The following CRTAC1 variants were observed in gnomAD, a reference collection of about 807,000 sequenced individuals.
CRTAC1 encodes acidic secreted protein in cartilage.
In CRTAC1, 37 loss-of-function variants were observed where a neutral mutation model predicts 67.8. That is an observed-to-expected ratio of 0.55 (90% CI 0.42 to 0.72). The LOEUF (loss-of-function observed/expected upper bound fraction) is 0.72, where lower values mean the gene tolerates loss of function less well. Among genes scored for constraint, CRTAC1 ranks in the 30% least tolerant of loss-of-function variants. CRTAC1 has a pLI of 0.00. For synonymous variants in CRTAC1, 348 were observed against 371.0 expected (o/e 0.94, Z 0.71); for missense variants, 780 against 931.6 (o/e 0.84, Z 2.12).
chr10:97,927,445 C>T (rs912035834), intron 3 of CRTAC1, among the ~76,000 whole-genome samples: 1 of 152,176 alleles, frequency 6.6e-6, no homozygotes, highest in African/African-American at 2.4e-5. Context: ...GGCCATGGAA[C>T]TCCTTTTTGT....
Position 97,895,236 on chromosome 10 carries a change from C to A in CRTAC1, c.1486+9G>T. The A allele has an allele frequency of 6.2e-7, 1 of 1,607,980 alleles. No homozygotes were observed. On this transcript the variant is annotated intron_variant, in intron 11 of 14. Coordinates refer to ENST00000370597, the MANE Select transcript of CRTAC1 (RefSeq NM_018058.7). This position sits in a 1 kb window ranked among gnomAD's most constrained non-coding sequence, Gnocchi z 4.2. ...ACAGCTCACTGTCCCCCACCGGACC[C>A]CGACTCACCCAGGCCAAAGTGTGCC...
At chr10:97,998,737 A>T (rs1014084986) in intron 2 of CRTAC1, among the ~76,000 whole-genome samples, 9 of 152,220 alleles carry the variant, frequency 5.9e-5, no homozygotes, top group Non-Finnish European at 1.3e-4. Flanking sequence ...CATTGTCTTT[A>T]TACAGTAACA....
At chr10:98,006,464 C>T (rs564569699) in intron 2 of CRTAC1, among the ~76,000 whole-genome samples, 31 of 152,252 alleles carry the variant, frequency 2.0e-4, no homozygotes, top group Non-Finnish European at 3.7e-4. Flanking sequence ...CCCCCATCCC[C>T]GCAGAACAAA....
chr10:97,921,508 G>C (rs527570810), intron 4 of CRTAC1, among the ~76,000 whole-genome samples: 2 of 152,304 alleles, frequency 1.3e-5, no homozygotes, highest in East Asian at 3.9e-4. Context: ...TGTCAAATCG[G>C]ATAGTGACAG....
chr10:97,989,291 C>T (rs915286525), intron 2 of CRTAC1, among the ~76,000 whole-genome samples: 9 of 152,162 alleles, frequency 5.9e-5, no homozygotes, highest in African/African-American at 2.2e-4. Flanking sequence ...AACGCACACA[C>T]AGAGTCATAT....
intron 2 of CRTAC1, among the ~76,000 whole-genome samples, chr10:97,963,479 G>A (rs1004874545): frequency 5.3e-5 from 8 of 152,180 alleles, no homozygotes; most frequent in African/African-American, 1.4e-4. Context: ...GCAACAGTCC[G>A]TGATGGTCTC....
intron 11 of CRTAC1, among the ~76,000 whole-genome samples, chr10:97,888,637 C>T (rs906324193): frequency 6.6e-6 from 1 of 152,150 alleles, no homozygotes; most frequent in Admixed American, 6.5e-5. Flanking sequence ...TGTCCTTAGG[C>T]GCAGCTCATC....
chr10:98,024,121 G>T (rs1056634864), intron 1 of CRTAC1, among the ~76,000 whole-genome samples: 1 of 152,228 alleles, frequency 6.6e-6, no homozygotes, highest in Non-Finnish European at 1.5e-5. Flanking sequence ...CTAGGTAGGT[G>T]AAGGCTGATG....
chr10:97,869,059 G>C (rs547653879), intron 14 of CRTAC1: 1 of 152,262 alleles, frequency 6.6e-6, no homozygotes, highest in African/African-American at 2.4e-5. Context: ...TAGGCAATCT[G>C]ACTCCAAACT....
chr10:97,907,804 C>G (rs1166366521), intron 6 of CRTAC1, among the ~76,000 whole-genome samples: 13 of 152,112 alleles, frequency 8.5e-5, no homozygotes. Flanking sequence ...ACCCCTTTCC[C>G]CAGCAGCAAA....
chr10:97,982,716 C>T (rs975090423), intron 2 of CRTAC1, among the ~76,000 whole-genome samples: 15 of 152,086 alleles, frequency 9.9e-5, no homozygotes, highest in East Asian at 1.9e-4. Context: ...ACCCCAGAAG[C>T]GCCGCAATTG....
At chr10:97,865,970 T>TC in intron 14 of CRTAC1, 1 of 468,474 alleles carries the variant, frequency 2.1e-6, no homozygotes, top group South Asian at 5.5e-5. Flanking sequence ...AGACAGATCT[T>TC]CCTAGGAAGG....
chr10:97,995,918 TG>T (rs1842555796), intron 2 of CRTAC1, among the ~76,000 whole-genome samples: 1 of 152,062 alleles, frequency 6.6e-6, no homozygotes, highest in Non-Finnish European at 1.5e-5. Context: ...CCTAGGATTT[TG>T]GGGGGCTGAG....
chr10:97,945,958 A>G (rs572174359), intron 2 of CRTAC1, among the ~76,000 whole-genome samples: 1 of 152,144 alleles, frequency 6.6e-6, no homozygotes, highest in South Asian at 2.1e-4. Context: ...TGCCCTCGGA[A>G]TTTCTTATAT....
intron 2 of CRTAC1, among the ~76,000 whole-genome samples, chr10:97,948,310 C>G (rs891730858): frequency 2.0e-5 from 3 of 152,090 alleles, no homozygotes; most frequent in South Asian, 4.1e-4. Context: ...GTGTATTTGG[C>G]AATTTGGAAG....
intron 2 of CRTAC1, among the ~76,000 whole-genome samples, chr10:97,949,567 G>T (rs113358758): frequency 6.6e-6 from 1 of 152,380 alleles, no homozygotes; most frequent in South Asian, 2.1e-4. Context: ...GGTGGCAGAA[G>T]CATCTGCTCT....
chr10:97,933,859 T>A (rs572362857), intron 3 of CRTAC1, among the ~76,000 whole-genome samples: 5 of 152,318 alleles, frequency 3.3e-5, no homozygotes, highest in African/African-American at 1.2e-4. Flanking sequence ...TGGAGGTCTT[T>A]ACCATCTGGT....
chr10:97,962,835 G>A (rs1420581029), intron 2 of CRTAC1, among the ~76,000 whole-genome samples: 1 of 151,124 alleles, frequency 6.6e-6, no homozygotes, highest in Non-Finnish European at 1.5e-5. Context: ...TGGTACCCGC[G>A]CATCTCGGTG....
intron 2 of CRTAC1, among the ~76,000 whole-genome samples, chr10:97,982,621 G>T (rs967653525): frequency 2.0e-5 from 3 of 152,168 alleles, no homozygotes; most frequent in Non-Finnish European, 2.9e-5. Context: ...TCAATCTCTA[G>T]CGGTCCCCAG....
Sources: gnomAD v4.1 joint callset for allele counts (sites outside exome capture counted in the v4.1 genomes callset) on GRCh38, gnomAD v4.1.1 for gene constraint, Gnocchi (gnomAD v3.1) non-coding constraint, MANE v1.5 for transcripts, NCBI Gene and HGNC (gene_info 2026-07-23, HGNC 2026-07-21) for gene names.